Variants in RUNDC3B observed in about 807,000 individuals in gnomAD.
The protein encoded by RUNDC3B is RUN domain-containing protein 3B.
RUNDC3B carries 33 observed loss-of-function variants against 58.4 expected under a neutral mutation model. That is an observed-to-expected ratio of 0.56 (90% CI 0.43 to 0.75). The LOEUF (loss-of-function observed/expected upper bound fraction) is 0.75, where lower values mean the gene tolerates loss of function less well. Ranked by LOEUF, RUNDC3B falls within the 30% of genes least tolerant of loss-of-function variation. The probability of loss-of-function intolerance (pLI) is 0.00; values close to 1 mark genes in which losing one functional copy is unlikely to be tolerated. For synonymous variants in RUNDC3B, 193 were observed against 195.2 expected, an observed-to-expected ratio of 0.99 and a Z score of 0.10; for missense variants, 501 against 535.7, an observed-to-expected ratio of 0.94 and a Z score of 0.64.
At chr7:87,640,034 A>T (rs1267942763) in intron 1 of RUNDC3B, among the ~76,000 whole-genome samples, 3 of 150,774 alleles carry the variant, frequency 2.0e-5, no homozygotes, top group African/African-American at 7.3e-5. Flanking sequence ...TGAGTCATAT[A>T]TTCCATTTCT....
At chr7:87,767,762 CT>C (rs2082738122) in intron 6 of RUNDC3B, among the ~76,000 whole-genome samples, 1 of 152,048 alleles carries the variant, frequency 6.6e-6, no homozygotes, top group South Asian at 2.1e-4. Context: ...GCACTGAGGT[CT>C]CTGGGGATGG....
intron 6 of RUNDC3B, among the ~76,000 whole-genome samples, chr7:87,745,293 C>T (rs1832584595): frequency 6.6e-6 from 1 of 151,896 alleles, no homozygotes; most frequent in African/African-American, 2.4e-5. Flanking sequence ...TTGATTATGT[C>T]CTTTCCTGGT....
At chr7:87,790,635 A>G (rs1339798084) in intron 8 of RUNDC3B, among the ~76,000 whole-genome samples, 2 of 152,088 alleles carry the variant, frequency 1.3e-5, no homozygotes, top group African/African-American at 4.8e-5. Flanking sequence ...TTTAACAAAG[A>G]GATTGAAATA....
chr7:87,778,075 T>G, intron 8 of RUNDC3B, 120 bp downstream of exon 8: 1 of 779,618 alleles, frequency 1.3e-6, no homozygotes, highest in Non-Finnish European at 2.0e-6. Flanking sequence ...CTTTTTCACC[T>G]ACACTTTTTT....
chr7:87,824,362 C>T (rs1837675590), intron 10 of RUNDC3B, among the ~76,000 whole-genome samples: 1 of 152,158 alleles, frequency 6.6e-6, no homozygotes, highest in Non-Finnish European at 1.5e-5. Context: ...GGGAGTTTCC[C>T]TGCACAAGCT....
intron 7 of RUNDC3B, among the ~76,000 whole-genome samples, chr7:87,772,686 A>G (rs950954782): frequency 6.6e-6 from 1 of 152,194 alleles, no homozygotes; most frequent in Non-Finnish European, 1.5e-5. Context: ...CTTGATCGAT[A>G]TAATAGAAGG....
intron 1 of RUNDC3B, among the ~76,000 whole-genome samples, chr7:87,631,208 T>G (rs1821179008): frequency 6.6e-6 from 1 of 152,200 alleles, no homozygotes. Flanking sequence ...ATAGGCTTTG[T>G]CTGAATGACT....
At chr7:87,783,159 G>T (rs1260680424) in intron 8 of RUNDC3B, among the ~76,000 whole-genome samples, 1 of 151,742 alleles carries the variant, frequency 6.6e-6, no homozygotes, top group Non-Finnish European at 1.5e-5. Context: ...GTGTGTATGT[G>T]TGTGTGCATG....
intron 8 of RUNDC3B, among the ~76,000 whole-genome samples, chr7:87,782,577 ATCTT>A (rs1342176485): frequency 1.3e-5 from 2 of 152,006 alleles, no homozygotes; most frequent in East Asian, 3.9e-4. Context: ...TTGATTTAAG[ATCTT>A]TCTAACTTCT....
intron 1 of RUNDC3B, among the ~76,000 whole-genome samples, chr7:87,640,836 G>A (rs1249213292): frequency 6.6e-6 from 1 of 152,074 alleles, no homozygotes; most frequent in Non-Finnish European, 1.5e-5. Flanking sequence ...CATTGAATGA[G>A]TTTTTAATTT....
At chr7:87,651,006 T>G (rs1292764352) in intron 2 of RUNDC3B, 69 bp downstream of exon 2, 1 of 884,132 alleles carries the variant, frequency 1.1e-6, no homozygotes, top group Non-Finnish European at 1.8e-6. Flanking sequence ...ATTTTAGAAA[T>G]CATACAGTCT....
chr7:87,636,353 G>A (rs892811423), intron 1 of RUNDC3B, among the ~76,000 whole-genome samples: 17 of 152,192 alleles, frequency 1.1e-4, no homozygotes, highest in African/African-American at 3.9e-4. Flanking sequence ...CCGTAAGTCT[G>A]TAGGCCATTT....
At chr7:87,815,891 T>G (rs1003485888) in intron 9 of RUNDC3B, among the ~76,000 whole-genome samples, 10 of 152,092 alleles carry the variant, frequency 6.6e-5, no homozygotes, top group African/African-American at 2.4e-4. Flanking sequence ...CAAAAATTGG[T>G]ATGAAGATTA....
intron 10 of RUNDC3B, among the ~76,000 whole-genome samples, chr7:87,829,307 C>G (rs1838007301): frequency 6.6e-6 from 1 of 152,106 alleles, no homozygotes; most frequent in Admixed American, 6.6e-5. Flanking sequence ...TGCAGAAGCT[C>G]TTTAGTTTAA....
At chr7:87,760,664 A>G (rs1483524556) in intron 6 of RUNDC3B, among the ~76,000 whole-genome samples, 1 of 152,128 alleles carries the variant, frequency 6.6e-6, no homozygotes, top group Non-Finnish European at 1.5e-5. Flanking sequence ...AAATTCTGGA[A>G]ATAAACCCAT....
intron 9 of RUNDC3B, among the ~76,000 whole-genome samples, chr7:87,814,427 G>A (rs1308147507): frequency 6.6e-6 from 1 of 152,142 alleles, no homozygotes; most frequent in African/African-American, 2.4e-5. Flanking sequence ...AAAATAGGAA[G>A]CCAAATCTTT....
At chr7:87,707,764 T>C (rs1418312791) in intron 3 of RUNDC3B, among the ~76,000 whole-genome samples, 1 of 152,130 alleles carries the variant, frequency 6.6e-6, no homozygotes, top group South Asian at 2.1e-4. Context: ...TTATATTAAA[T>C]TGACCATTTT....
At chr7:87,746,295 T>A (rs1317872052) in intron 6 of RUNDC3B, among the ~76,000 whole-genome samples, 1 of 152,198 alleles carries the variant, frequency 6.6e-6, no homozygotes, top group Non-Finnish European at 1.5e-5. Flanking sequence ...AATGAAATGT[T>A]CTGTATATAT....
intron 6 of RUNDC3B, among the ~76,000 whole-genome samples, chr7:87,742,412 G>A (rs764051436): frequency 5.9e-5 from 9 of 151,952 alleles, no homozygotes; most frequent in South Asian, 2.1e-4. Context: ...ATGCCTTTGC[G>A]TCCTCATGGC....
Sources: allele counts gnomAD v4.1 joint callset (sites outside exome capture counted in the v4.1 genomes callset), GRCh38; gene constraint gnomAD v4.1.1; transcripts MANE v1.5; gene names NCBI Gene and HGNC (gene_info 2026-07-23, HGNC 2026-07-21).